Variants in ARHGEF4 observed in about 807,000 individuals in gnomAD.
The protein encoded by ARHGEF4 is APC-stimulated guanine nucleotide exchange factor 1.
ARHGEF4 carries 119 observed loss-of-function variants against 162.0 expected under a neutral mutation model. The ratio of observed to expected loss-of-function variants is 0.73; its 90% CI spans 0.63 to 0.86. The LOEUF (loss-of-function observed/expected upper bound fraction) is 0.86. ARHGEF4 is among the 40% of genes least tolerant of loss of function. The probability of loss-of-function intolerance (pLI) is 0.00; values close to 1 mark genes in which losing one functional copy is unlikely to be tolerated. For missense variants in ARHGEF4, 2,488 were observed against 2,456.0 expected, an observed-to-expected ratio of 1.01 and a Z score of -0.28; for synonymous variants, 1,014 against 979.9, an observed-to-expected ratio of 1.03 and a Z score of -0.65.
chr2:130,854,883 T>TTTAC (rs1681660663), intron 1 of ARHGEF4, among the ~76,000 whole-genome samples: 2 of 139,434 alleles, frequency 1.4e-5, no homozygotes, highest in Non-Finnish European at 3.1e-5. Flanking sequence ...TATTTATTTA[T>TTTAC]TTATTTTCGA....
intron 4 of ARHGEF4, among the ~76,000 whole-genome samples, chr2:130,996,765 G>A (rs1198126836): frequency 6.6e-6 from 1 of 152,174 alleles, no homozygotes; most frequent in Non-Finnish European, 1.5e-5. Context: ...TCCACCAACA[G>A]CATGAGACGT....
At chr2:130,903,119 A>ATTTT (rs56943344) in intron 1 of ARHGEF4, among the ~76,000 whole-genome samples, 3 of 144,584 alleles carry the variant, frequency 2.1e-5, no homozygotes, top group Middle Eastern at 3.6e-3. Context: ...TCTTCTGCTT[A>ATTTT]TTTTTTTTTT....
intron 1 of ARHGEF4, among the ~76,000 whole-genome samples, chr2:130,895,438 C>T (rs147531250): frequency 6.6e-6 from 1 of 152,308 alleles, no homozygotes; most frequent in Non-Finnish European, 1.5e-5. Context: ...GGGTAAACAT[C>T]TAGGAGCAGA....
chr2:130,961,107 G>A (rs762267864), intron 4 of ARHGEF4, among the ~76,000 whole-genome samples: 3 of 152,182 alleles, frequency 2.0e-5, no homozygotes, highest in Non-Finnish European at 4.4e-5. Context: ...CAGACAGCGA[G>A]AATCCTCCCT....
At chr2:131,045,925 T>C in intron 13 of ARHGEF4, 113 bp from the exon 14 acceptor site, 1 of 1,499,168 alleles carries the variant, frequency 6.7e-7, no homozygotes, top group Admixed American at 2.2e-5. Context: ...CAAAACTGCC[T>C]CCTACGGCGG....
chr2:130,990,790 G>C (rs1686896893), intron 4 of ARHGEF4, among the ~76,000 whole-genome samples: 1 of 152,092 alleles, frequency 6.6e-6, no homozygotes, highest in Non-Finnish European at 1.5e-5. Context: ...GACCCTCCGA[G>C]AACTCAGTGG....
At chr2:130,900,278 C>G (rs941898740) in intron 1 of ARHGEF4, among the ~76,000 whole-genome samples, 3 of 152,220 alleles carry the variant, frequency 2.0e-5, no homozygotes, top group Non-Finnish European at 4.4e-5. Flanking sequence ...TGCTAATAAT[C>G]TGTCTAGTAG....
In ARHGEF4 at chr2:130,917,513, C is replaced by A. The variant is rs775179206; in HGVS notation, c.3552+15C>A. 3 of 1,539,580 alleles carry A rather than the reference C, an allele frequency of 1.9e-6. No homozygotes were observed. The highest frequency in any genetic ancestry group is 2.6e-6 in the Non-Finnish European group (3 of 1,142,366). ...CTGGGAGTGAGGTGAGTATCTGAATCGCACCAAGCCTTTCCTGACCTCTGC... is the reference window on the plus strand; with the variant it reads ...CTGGGAGTGAGGTGAGTATCTGAATAGCACCAAGCCTTTCCTGACCTCTGC... On this transcript the variant is annotated intron_variant, in intron 2 of 13. Coordinates refer to ENST00000409359, the MANE Select transcript of ARHGEF4 (RefSeq NM_001367493.1).
At chr2:131,039,072 T>A (rs770955739) in intron 6 of ARHGEF4, 40 bp downstream of exon 6, 4 of 1,561,980 alleles carry the variant, frequency 2.6e-6, no homozygotes, top group Middle Eastern at 1.7e-4. Context: ...GTTGGGCCCA[T>A]AAAAAGCTAC....
intron 4 of ARHGEF4, among the ~76,000 whole-genome samples, chr2:130,980,354 C>T (rs1686038659): frequency 6.6e-6 from 1 of 150,816 alleles, no homozygotes; most frequent in African/African-American, 2.4e-5. Context: ...CAAGATCATG[C>T]CATCCACCCT....
At chr2:131,029,903 C>G (rs138912365) in intron 5 of ARHGEF4, among the ~76,000 whole-genome samples, 1 of 152,196 alleles carries the variant, frequency 6.6e-6, no homozygotes, top group African/African-American at 2.4e-5. Context: ...TCTTGGGGCT[C>G]GGTCCAGCAG....
intron 4 of ARHGEF4, among the ~76,000 whole-genome samples, chr2:130,970,635 A>G (rs1344514965): frequency 6.6e-6 from 1 of 150,700 alleles, no homozygotes; most frequent in Admixed American, 6.6e-5. Flanking sequence ...GGTATGTAGT[A>G]TCTCATTTGG....
At chr2:130,990,489 C>CTT (rs1353097117) in intron 4 of ARHGEF4, among the ~76,000 whole-genome samples, 52 of 152,174 alleles carry the variant, frequency 3.4e-4, no homozygotes, top group Admixed American at 2.9e-3. Flanking sequence ...GAAAGAACTT[C>CTT]CCAGTTCTGC....
At position 131,044,569 on chromosome 2, in the gene ARHGEF4, C is replaced by G. The variant is rs201010858; in HGVS notation, c.5401+27C>G. The G allele has an allele frequency of 8.7e-4, 1,333 of 1,539,452 alleles. 8 individuals are homozygous for G. The highest frequency in any genetic ancestry group is 6.5e-3 in the Middle Eastern group (35 of 5,344). On this transcript the variant is annotated intron_variant, in intron 12 of 13. Coordinates refer to ENST00000409359, the MANE Select transcript of ARHGEF4 (RefSeq NM_001367493.1). ...TTCGAGACCCTGCTGGGCCTTGCCCCGCCCCCAGGGCCCACCCGGCGCTCC... is the reference window on the plus strand; with the variant it reads ...TTCGAGACCCTGCTGGGCCTTGCCCGGCCCCCAGGGCCCACCCGGCGCTCC...
rs1294925241 is a variant in ARHGEF4, at chr2:130,916,248, C to T, written c.2302C>T (p.Arg768Cys). 3.3e-6 allele frequency: 5 copies of T among 1,526,676 alleles called. No individual in the cohort carries two copies. The highest frequency in any genetic ancestry group is 4.4e-6 in the Non-Finnish European group (5 of 1,138,802). The allele number at this position is 1,526,676 out of a possible 1,614,324, so 94.6% of individuals were successfully genotyped here. Residue 768 changes from arginine (R) to cysteine (C), a missense_variant, in exon 2 of 14, where the codon CGC becomes TGC. Arg to Cys is a radical substitution (Grantham distance 180). Coordinates refer to ENST00000409359, the MANE Select transcript of ARHGEF4 (RefSeq NM_001367493.1). ...GAAAARGQRPRVPALEPPQPP... is the reference protein window; with the variant it reads ...GAAAARGQRPCVPALEPPQPP... ...TGCAGCAGCCCGGGGCCAGCGCCCC[C>T]GCGTCCCCGCCTTGGAGCCGCCCCA...
In ARHGEF4 at chr2:130,917,023, G is replaced by A; in HGVS notation, c.3077G>A (p.Ser1026Asn). ...GTTTCTCCAGAACACAGGAGGAAAAGTGAACCGACCATCAAGTGCACAGCC... is the reference window on the plus strand; with the variant it reads ...GTTTCTCCAGAACACAGGAGGAAAAATGAACCGACCATCAAGTGCACAGCC... ...SLVSPEHRRK[S>N]EPTIKCTATQ... The change falls in exon 2 of 14, where the codon AGT becomes AAT. Residue 1026 changes from serine to asparagine, a missense_variant. Physicochemically the swap from Ser to Asn is conservative, Grantham distance 46. Coordinates refer to ENST00000409359, the MANE Select transcript of ARHGEF4 (RefSeq NM_001367493.1). 1.3e-6 allele frequency: 2 copies of A among 1,550,970 alleles called. No homozygotes were observed. The highest frequency in any genetic ancestry group is 1.7e-6 in the Non-Finnish European group (2 of 1,147,076).
chr2:131,012,341 G>A (rs762482572), intron 4 of ARHGEF4, among the ~76,000 whole-genome samples: 1 of 152,164 alleles, frequency 6.6e-6, no homozygotes, highest in East Asian at 1.9e-4. Flanking sequence ...GCACGGGGCA[G>A]GTGTCACTTC....
Position 130,917,328 on chromosome 2 carries a change from A to C in ARHGEF4, c.3382A>C (p.Ser1128Arg). The part of the protein sequence containing the change: ...VSLGSYSYVD[S>R]SSGDPERPKI... The stretch of plus-strand genomic sequence containing the variant: ...TCTTGGAAGCTACAGCTACGTGGAC[A>C]GCAGTTCAGGGGACCCTGAAAGACC... The change falls in exon 2 of 14, where the codon AGC (serine) becomes CGC (arginine). Residue 1128 changes from serine (S) to arginine (R), a missense_variant. Physicochemically the swap from Ser to Arg is moderately radical, Grantham distance 110. Around this residue, in one of 6 missense-constraint regions of ARHGEF4, gnomAD observed 1,642 missense variants for 1,481.5 expected, o/e 1.11. Coordinates refer to ENST00000409359, the MANE Select transcript of ARHGEF4 (RefSeq NM_001367493.1). 6.4e-7 allele frequency: 1 copy of C among 1,550,598 alleles called. No homozygotes were observed. The highest frequency in any genetic ancestry group is 8.7e-7 in the Non-Finnish European group (1 of 1,147,004).
At chr2:130,963,757 G>T (rs946821846) in intron 4 of ARHGEF4, 16 of 147,136 alleles carry the variant, frequency 1.1e-4, no homozygotes, top group Middle Eastern at 3.5e-3. Context: ...GCAGCGAGCT[G>T]ACGCGCTGCG....
Sources: allele counts gnomAD v4.1 joint callset (sites outside exome capture counted in the v4.1 genomes callset), GRCh38; gene constraint gnomAD v4.1.1; regional missense constraint gnomAD v4.1.1; transcripts MANE v1.5; gene names NCBI Gene and HGNC (gene_info 2026-07-23, HGNC 2026-07-21).